Variants in HMOX2 observed in about 807,000 individuals in gnomAD.
The protein encoded by HMOX2 is heme oxygenase (decycling) 2.
A neutral mutation model predicts 33.7 loss-of-function variants in HMOX2; 30 were observed. That is an observed-to-expected ratio of 0.89 (90% confidence interval 0.67 to 1.21). The LOEUF (loss-of-function observed/expected upper bound fraction) is 1.21, where lower values mean the gene tolerates loss of function less well. Among genes scored for constraint, HMOX2 ranks in the 50% most tolerant of loss-of-function variants. The pLI, the probability that HMOX2 is intolerant of heterozygous loss-of-function variation, is 0.00. For missense variants in HMOX2, 403 were observed against 399.1 expected, an observed-to-expected ratio of 1.01 and a Z score of -0.08; for synonymous variants, 155 against 155.0, an observed-to-expected ratio of 1.00 and a Z score of 0.00.
At chr16:4,504,782 T>G (rs1439148861) in intron 1 of HMOX2, among the ~76,000 whole-genome samples, 1 of 148,878 alleles carries the variant, frequency 6.7e-6, no homozygotes, top group African/African-American at 2.5e-5. Context: ...CTCTGCCTCC[T>G]GGGCTCAAGA....
upstream of HMOX2, chr16:4,475,042 C>A (rs1246072608): frequency 2.0e-5 from 3 of 152,102 alleles, no homozygotes; most frequent in Non-Finnish European, 4.4e-5. Flanking sequence ...ACCTCCGCCC[C>A]CCGGGTTCAA....
intron 3 of HMOX2, 86 bp downstream of exon 3, chr16:4,507,098 C>T (rs2141608219): frequency 4.8e-6 from 4 of 829,718 alleles, no homozygotes; most frequent in Non-Finnish European, 6.3e-6. Flanking sequence ...CCTGGAGCCA[C>T]TCTGAGGGAA....
intron 1 of HMOX2, among the ~76,000 whole-genome samples, chr16:4,489,409 C>T (rs1019473847): frequency 6.6e-6 from 1 of 152,086 alleles, no homozygotes; most frequent in African/African-American, 2.4e-5. Flanking sequence ...CTCAGCCTCG[C>T]GAGTAGCTGG....
intron 1 of HMOX2, among the ~76,000 whole-genome samples, chr16:4,504,461 A>AGT (rs2058638160): frequency 6.8e-6 from 1 of 146,060 alleles, no homozygotes; most frequent in Non-Finnish European, 1.5e-5. Flanking sequence ...CGTAGGTTCA[A>AGT]GTGATTCTCC....
At chr16:4,487,951 CAAAAAAAAA>C (rs71139635) in intron 1 of HMOX2, among the ~76,000 whole-genome samples, 2 of 70,658 alleles carry the variant, frequency 2.8e-5, no homozygotes, top group Non-Finnish European at 6.3e-5. Context: ...AACTCTGTCT[CAAAAAAAAA>C]AAAAAAAAAA....
rs552223010 is a variant in HMOX2 at position 4,509,079 on chromosome 16, G to A, written c.697-333G>A. ...CTCTAAAAGGAGAGTGTAGCCAGGCGCAGTAGCTCATGCCTGTAATCCCAG... is the reference window on the plus strand; with the variant it reads ...CTCTAAAAGGAGAGTGTAGCCAGGCACAGTAGCTCATGCCTGTAATCCCAG... On this transcript the variant is annotated intron_variant, in intron 4 of 5. Transcript: ENST00000570646. Among the ~76,000 whole-genome samples the A allele has an allele frequency of 1.3e-4, 20 of 152,324 alleles. No homozygotes were observed. In the South Asian group the frequency reaches 3.5e-3, roughly 27 times the overall value.
chr16:4,507,064 C>A, intron 3 of HMOX2, 52 bp downstream of exon 3: 3 of 1,228,400 alleles, frequency 2.4e-6, no homozygotes, highest in Non-Finnish European at 3.6e-6. Flanking sequence ...GGGGTGGGGG[C>A]CTTGGTCCCA....
intron 3 of HMOX2, among the ~76,000 whole-genome samples, chr16:4,507,287 A>G (rs2058717961): frequency 6.6e-6 from 1 of 152,044 alleles, no homozygotes; most frequent in Non-Finnish European, 1.5e-5. Flanking sequence ...TCTACTAAGA[A>G]TACAAAAATT....
At chr16:4,487,229 G>C (rs921005928) in intron 1 of HMOX2, among the ~76,000 whole-genome samples, 5 of 151,920 alleles carry the variant, frequency 3.3e-5, no homozygotes, top group African/African-American at 1.2e-4. Flanking sequence ...GTGCACTTCA[G>C]CTTGAGCAAC....
upstream of HMOX2, chr16:4,475,947 A>G (rs947753923): frequency 6.6e-6 from 1 of 152,250 alleles, no homozygotes; most frequent in African/African-American, 2.4e-5. Context: ...CAAAAAAAGA[A>G]AAATCATTCT....
intron 1 of HMOX2, among the ~76,000 whole-genome samples, chr16:4,504,658 C>A (rs1401252710): frequency 1.4e-5 from 2 of 145,132 alleles, no homozygotes; most frequent in African/African-American, 5.1e-5. Flanking sequence ...CCGTGTCTGG[C>A]CTAACTTTTA....
chr16:4,507,428 G>A (rs1198154703), intron 3 of HMOX2, among the ~76,000 whole-genome samples: 1 of 151,502 alleles, frequency 6.6e-6, no homozygotes, highest in East Asian at 1.9e-4. Context: ...CTGGGTGACA[G>A]AGCGAGACTC....
intron 1 of HMOX2, among the ~76,000 whole-genome samples, chr16:4,483,981 T>G (rs530055496): frequency 6.1e-4 from 92 of 149,674 alleles, no homozygotes; most frequent in African/African-American, 2.2e-3. Context: ...AAATTTTTTT[T>G]TTTTTTTTTT....
intron 1 of HMOX2, among the ~76,000 whole-genome samples, chr16:4,480,564 CAA>C (rs2141510599): frequency 6.6e-6 from 1 of 151,854 alleles, no homozygotes; most frequent in Non-Finnish European, 1.5e-5. Context: ...AGGCTGGTCT[CAA>C]ACTCCTGACC....
chr16:4,477,735 A>G (rs2057905194), intron 1 of HMOX2, among the ~76,000 whole-genome samples: 1 of 151,966 alleles, frequency 6.6e-6, no homozygotes, highest in South Asian at 2.1e-4. Context: ...CCTGGCCAAC[A>G]TGGTGAAACC....
chr16:4,485,519 G>A (rs1156478452), intron 1 of HMOX2, among the ~76,000 whole-genome samples: 1 of 152,130 alleles, frequency 6.6e-6, no homozygotes, highest in East Asian at 1.9e-4. Flanking sequence ...AAGTTAAAGA[G>A]TGGAGAAATG....
At chr16:4,498,169 A>G (rs994505841) in intron 1 of HMOX2, among the ~76,000 whole-genome samples, 1 of 150,692 alleles carries the variant, frequency 6.6e-6, no homozygotes, top group Non-Finnish European at 1.5e-5. Flanking sequence ...GGTTCCAGAA[A>G]TTCTCGTGCC....
At chr16:4,485,948 T>C (rs2058157140) in intron 1 of HMOX2, among the ~76,000 whole-genome samples, 2 of 152,138 alleles carry the variant, frequency 1.3e-5, no homozygotes, top group African/African-American at 4.8e-5. Flanking sequence ...GGTCTCGAAC[T>C]CCTGACCTCA....
intron 1 of HMOX2, among the ~76,000 whole-genome samples, chr16:4,495,253 A>G (rs549919281): frequency 4.6e-5 from 7 of 152,292 alleles, no homozygotes; most frequent in African/African-American, 1.7e-4. Flanking sequence ...GTCAGAGGAT[A>G]AGAAGGAAGC....
Sources: allele counts gnomAD v4.1 joint callset (sites outside exome capture counted in the v4.1 genomes callset), GRCh38; gene constraint gnomAD v4.1.1; transcripts MANE v1.5; gene names NCBI Gene and HGNC (gene_info 2026-07-23, HGNC 2026-07-21).